Variants in PCDH9 observed in about 807,000 individuals in gnomAD.
PCDH9 encodes protocadherin-9.
Under a neutral mutation model 70.6 loss-of-function variants are expected in PCDH9, and 24 were observed. The observed-to-expected ratio is 0.34, with a 90% CI of 0.25 to 0.48. The LOEUF (loss-of-function observed/expected upper bound fraction) is 0.48, where lower values mean the gene tolerates loss of function less well. Ranked by LOEUF, PCDH9 falls within the 20% of genes least tolerant of loss-of-function variation. The pLI is 0.99. For synonymous variants in PCDH9, 562 were observed against 558.5 expected (o/e 1.01, Z -0.09); for missense variants, 1,281 against 1,503.6 (o/e 0.85, Z 2.45).
chr13:66,877,540 C>A (rs978277027), intron 3 of PCDH9, among the ~76,000 whole-genome samples: 1 of 151,942 alleles, frequency 6.6e-6, no homozygotes, highest in African/African-American at 2.4e-5. Flanking sequence ...GTTAAACAGG[C>A]GTTTAGGGGT....
At chr13:66,634,084 A>C (rs2077606831) in intron 3 of PCDH9, among the ~76,000 whole-genome samples, 1 of 152,206 alleles carries the variant, frequency 6.6e-6, no homozygotes, top group Non-Finnish European at 1.5e-5. Context: ...GAATAAGAAA[A>C]ATGTAAATTT....
At chr13:66,530,252 T>C (rs906465864) in intron 4 of PCDH9, among the ~76,000 whole-genome samples, 6 of 152,068 alleles carry the variant, frequency 3.9e-5, no homozygotes, top group Non-Finnish European at 8.8e-5. Context: ...GGAGAAGATA[T>C]GTGTTTGTGG....
intron 4 of PCDH9, among the ~76,000 whole-genome samples, chr13:66,397,617 A>G (rs1393552712): frequency 6.6e-6 from 1 of 151,518 alleles, no homozygotes; most frequent in Non-Finnish European, 1.5e-5. Context: ...ATATGTGTAT[A>G]TATACATATT....
chr13:66,719,785 C>T (rs897642268), intron 3 of PCDH9, among the ~76,000 whole-genome samples: 1 of 152,266 alleles, frequency 6.6e-6, no homozygotes, highest in East Asian at 1.9e-4. Context: ...AGTTAAGTTG[C>T]TCACCATTAA....
chr13:66,745,484 G>A (rs1199757328), intron 3 of PCDH9, among the ~76,000 whole-genome samples: 2 of 152,058 alleles, frequency 1.3e-5, no homozygotes, highest in Non-Finnish European at 2.9e-5. Flanking sequence ...GGAATGAGCC[G>A]GTTCAAACAC....
intron 4 of PCDH9, among the ~76,000 whole-genome samples, chr13:66,430,155 C>T (rs1051090943): frequency 6.6e-6 from 1 of 151,968 alleles, no homozygotes; most frequent in African/African-American, 2.4e-5. Flanking sequence ...AGCAATAAAG[C>T]TAACTCTTTA....
At chr13:66,383,633 G>A (rs756505775) in intron 4 of PCDH9, among the ~76,000 whole-genome samples, 32 of 152,122 alleles carry the variant, frequency 2.1e-4, no homozygotes, top group Non-Finnish European at 4.0e-4. Flanking sequence ...ATGTTTCATT[G>A]ATGAGCTAAA....
chr13:67,176,587 G>A (rs989201363), intron 2 of PCDH9, among the ~76,000 whole-genome samples: 1 of 151,822 alleles, frequency 6.6e-6, no homozygotes, highest in Non-Finnish European at 1.5e-5. Context: ...TTCAGCTAAA[G>A]TCCTACAGAG....
intron 4 of PCDH9, among the ~76,000 whole-genome samples, chr13:66,622,475 G>A (rs1034756598): frequency 2.0e-5 from 3 of 152,096 alleles, no homozygotes; most frequent in Admixed American, 6.5e-5. Context: ...ACACCAATCG[G>A]CACTCTGTCT....
chr13:66,344,286 C>G (rs760342629), intron 4 of PCDH9, among the ~76,000 whole-genome samples: 1 of 151,540 alleles, frequency 6.6e-6, no homozygotes, highest in Non-Finnish European at 1.5e-5. Context: ...GGGACCACGC[C>G]CAGCTAATTT....
chr13:66,923,324 C>T (rs1341504087), intron 2 of PCDH9, among the ~76,000 whole-genome samples: 1 of 151,460 alleles, frequency 6.6e-6, no homozygotes, highest in African/African-American at 2.4e-5. Context: ...ATGAGAAAAA[C>T]ACAGATCATC....
At chr13:67,084,590 A>G (rs1019926969) in intron 2 of PCDH9, among the ~76,000 whole-genome samples, 1 of 152,010 alleles carries the variant, frequency 6.6e-6, no homozygotes, top group African/African-American at 2.4e-5. Flanking sequence ...ACCTGCAAAT[A>G]AAGTCCTTCC....
At chr13:66,334,668 TA>T (rs35669434) in intron 4 of PCDH9, among the ~76,000 whole-genome samples, 9 of 151,122 alleles carry the variant, frequency 6.0e-5, no homozygotes, top group East Asian at 3.9e-4. Context: ...TCTTTACTAC[TA>T]AAAAAAAAGT....
intron 2 of PCDH9, among the ~76,000 whole-genome samples, chr13:67,100,390 C>T (rs538943179): frequency 6.6e-6 from 1 of 152,156 alleles, no homozygotes; most frequent in Non-Finnish European, 1.5e-5. Flanking sequence ...TTGGAGAACA[C>T]GAAATACCAA....
intron 4 of PCDH9, among the ~76,000 whole-genome samples, chr13:66,532,175 T>C (rs536873895): frequency 6.6e-5 from 10 of 152,058 alleles, no homozygotes; most frequent in East Asian, 3.9e-4. Flanking sequence ...TGGTTTTTTT[T>C]TTTTCTTTTG....
At chr13:66,364,735 C>A (rs1956525749) in intron 4 of PCDH9, among the ~76,000 whole-genome samples, 1 of 152,082 alleles carries the variant, frequency 6.6e-6, no homozygotes, top group Non-Finnish European at 1.5e-5. Flanking sequence ...AGAAAGAAAA[C>A]CTTGGAGAGA....
At chr13:66,887,429 A>T (rs913509386) in intron 3 of PCDH9, among the ~76,000 whole-genome samples, 3 of 152,210 alleles carry the variant, frequency 2.0e-5, no homozygotes, top group African/African-American at 7.2e-5. Context: ...ATTTTTTTTA[A>T]CAAACAAAGT....
intron 3 of PCDH9, among the ~76,000 whole-genome samples, chr13:66,895,596 C>A (rs1181561566): frequency 6.6e-6 from 1 of 152,202 alleles, no homozygotes; most frequent in Non-Finnish European, 1.5e-5. Context: ...ACTCCACACA[C>A]CTACATTAAT....
At chr13:66,616,751 A>G (rs974860039) in intron 4 of PCDH9, among the ~76,000 whole-genome samples, 4 of 152,152 alleles carry the variant, frequency 2.6e-5, no homozygotes, top group African/African-American at 9.7e-5. Flanking sequence ...CTTACCAAGC[A>G]TAACTATAGC....
Sources: allele counts gnomAD v4.1 joint callset (sites outside exome capture counted in the v4.1 genomes callset), GRCh38; gene constraint gnomAD v4.1.1; transcripts MANE v1.5; gene names NCBI Gene and HGNC (gene_info 2026-07-23, HGNC 2026-07-21).